Variants in DENND4A observed in about 807,000 individuals in gnomAD.
The protein encoded by DENND4A is DENN domain containing 4A, also known as C-myc promoter-binding protein.
In DENND4A, 70 loss-of-function variants were observed where a neutral mutation model predicts 199.3. The ratio of observed to expected loss-of-function variants is 0.35; its 90% confidence interval spans 0.29 to 0.43. The LOEUF is 0.43. Ranked by LOEUF, DENND4A falls within the 20% of genes least tolerant of loss-of-function variation. The probability of loss-of-function intolerance (pLI) is 1.00; values close to 1 mark genes in which losing one functional copy is unlikely to be tolerated. For synonymous variants in DENND4A, 686 were observed against 766.9 expected, an observed-to-expected ratio of 0.89 and a Z score of 1.74; for missense variants, 1,723 against 2,255.8, an observed-to-expected ratio of 0.76 and a Z score of 4.78.
At chr15:65,731,787 T>C (rs1022374604) in intron 8 of DENND4A, 87 bp from the exon 9 acceptor site, 3 of 930,196 alleles carry the variant, frequency 3.2e-6, no homozygotes, top group African/African-American at 3.4e-5. Context: ...AAAATAATGA[T>C]TATGCCCATG....
intron 3 of DENND4A, chr15:65,753,858 A>G (rs2076632032): frequency 7.4e-6 from 1 of 135,130 alleles, no homozygotes; most frequent in African/African-American, 2.7e-5. Flanking sequence ...TTTTGAGATG[A>G]AGTTTCGCTT....
intron 29 of DENND4A, among the ~76,000 whole-genome samples, chr15:65,666,164 A>G (rs778288276): frequency 1.3e-5 from 2 of 152,216 alleles, no homozygotes; most frequent in Non-Finnish European, 2.9e-5. Context: ...CGAACCCTAT[A>G]TATACTGTAT....
chr15:65,761,972 C>T (rs1406896788), intron 1 of DENND4A, among the ~76,000 whole-genome samples: 1 of 152,156 alleles, frequency 6.6e-6, no homozygotes, highest in Non-Finnish European at 1.5e-5. Flanking sequence ...GTTCCACATC[C>T]ATACCATGGA....
At chr15:65,690,350 G>A (rs990679032) in intron 23 of DENND4A, 65 bp downstream of exon 23, 10 of 1,469,102 alleles carry the variant, frequency 6.8e-6, no homozygotes, top group Non-Finnish European at 9.0e-6. Context: ...AACGAGTAAG[G>A]GGCTTTTGGT....
chr15:65,708,845 T>C (rs1479863997), intron 14 of DENND4A, among the ~76,000 whole-genome samples: 1 of 152,228 alleles, frequency 6.6e-6, no homozygotes, highest in African/African-American at 2.4e-5. Context: ...ATTTAAAATA[T>C]AATCATATGA....
intron 23 of DENND4A, among the ~76,000 whole-genome samples, chr15:65,689,585 G>T (rs2076903250): frequency 6.6e-6 from 1 of 152,188 alleles, no homozygotes; most frequent in Admixed American, 6.5e-5. Flanking sequence ...GCATACCTCT[G>T]TAAGTATTCC....
intron 4 of DENND4A, among the ~76,000 whole-genome samples, chr15:65,742,020 T>C (rs560542368): frequency 1.7e-4 from 26 of 152,218 alleles, no homozygotes; most frequent in Non-Finnish European, 1.9e-4. Flanking sequence ...TGAGGAAAAC[T>C]TGACTCTTTT....
rs1266901855 is a variant in DENND4A, at chr15:65,721,406, T to C, written c.1588+1442A>G. On this transcript the variant is annotated intron_variant, in intron 12 of 32. Transcript: ENST00000443035. ...ACACTATGATGAATCCTCAAGGGTG[T>C]AGGCTACCTCCTATGCTTATGTTGT... 2.0e-5 allele frequency among the ~76,000 whole-genome samples: 3 copies of C among 152,176 alleles called. No individual in the cohort carries two copies. The East Asian group carries it at 5.8e-4, about 29-fold the overall frequency.
At chr15:65,705,437 T>G (rs535917453) in intron 15 of DENND4A, among the ~76,000 whole-genome samples, 50 of 152,308 alleles carry the variant, frequency 3.3e-4, no homozygotes, top group African/African-American at 1.2e-3. Context: ...AACTAAATAA[T>G]GCATTCACCT....
intron 1 of DENND4A, among the ~76,000 whole-genome samples, chr15:65,768,109 T>C (rs2077031438): frequency 6.6e-6 from 1 of 152,124 alleles, no homozygotes; most frequent in South Asian, 2.1e-4. Context: ...TCCTCCCACC[T>C]CAGCCTCCTA....
At chr15:65,707,818 T>C (rs2075111715) in intron 14 of DENND4A, among the ~76,000 whole-genome samples, 1 of 152,030 alleles carries the variant, frequency 6.6e-6, no homozygotes, top group African/African-American at 2.4e-5. Flanking sequence ...CCCAAGTAGC[T>C]GGGACTACAA....
At position 65,699,865 on chromosome 15, in the gene DENND4A, G is replaced by C. The variant is rs577297406; in HGVS notation, c.2833+679C>G. Among the ~76,000 whole-genome samples the C allele has an allele frequency of 1.6e-4, 24 of 151,626 alleles. No individual in the cohort carries two copies. In the East Asian group the frequency reaches 3.9e-3, roughly 24 times the overall value. On this transcript the variant is annotated intron_variant, in intron 20 of 32. Transcript: ENST00000443035. The stretch of plus-strand genomic sequence containing the variant: ...CAGCTAATTTTTGTATTTTTGTAGA[G>C]ACAGGGTTTTGTTATGTTGCCCAGA...
In DENND4A at chr15:65,660,298, T is replaced by C; in HGVS notation, c.*1553A>G. ...TCCCAGAGTTGGAAGCTGTGAAATG[T>C]TTCAGCATGGTGCTATTCACTAATG... On this transcript the variant is annotated 3_prime_UTR_variant, in exon 33 of 33. Transcript: ENST00000443035. 2 of 1,535,370 alleles carry C rather than the reference T, an allele frequency of 1.3e-6. No homozygotes were observed. The highest frequency in any genetic ancestry group is 1.7e-6 in the Non-Finnish European group (2 of 1,146,602).
chr15:65,693,090 T>A (rs1450527656), intron 22 of DENND4A, among the ~76,000 whole-genome samples: 1 of 152,176 alleles, frequency 6.6e-6, no homozygotes, highest in Non-Finnish European at 1.5e-5. Context: ...GTTTGCCTGA[T>A]CCTAAGTTTA....
At chr15:65,728,159 C>T (rs943516973) in intron 11 of DENND4A, among the ~76,000 whole-genome samples, 6 of 151,984 alleles carry the variant, frequency 3.9e-5, no homozygotes, top group Admixed American at 3.3e-4. Context: ...CCTGCCACCA[C>T]GTCCAGCTAA....
chr15:65,704,754 C>G (rs959375372), intron 15 of DENND4A, among the ~76,000 whole-genome samples: 1 of 151,952 alleles, frequency 6.6e-6, no homozygotes, highest in African/African-American at 2.4e-5. Context: ...CCATGCCTAG[C>G]TAATTTTTGT....
At chr15:65,782,515 T>A (rs914079777) in intron 1 of DENND4A, among the ~76,000 whole-genome samples, 1 of 152,202 alleles carries the variant, frequency 6.6e-6, no homozygotes, top group Non-Finnish European at 1.5e-5. Context: ...ACAATCAGAC[T>A]GGTTGCAAAC....
chr15:65,725,792 C>A (rs1344472196), intron 11 of DENND4A, among the ~76,000 whole-genome samples: 1 of 152,186 alleles, frequency 6.6e-6, no homozygotes, highest in African/African-American at 2.4e-5. Flanking sequence ...ATATTAATTT[C>A]TTTCCCTTTC....
intron 11 of DENND4A, 120 bp downstream of exon 11, chr15:65,728,952 C>G: frequency 1.0e-6 from 1 of 1,000,964 alleles, no homozygotes; most frequent in Non-Finnish European, 1.5e-6. Context: ...GATTACCCCA[C>G]ATAACAAGGA....
Sources: gnomAD v4.1 joint callset for allele counts (sites outside exome capture counted in the v4.1 genomes callset) on GRCh38, gnomAD v4.1.1 for gene constraint, MANE v1.5 for transcripts, NCBI Gene and HGNC (gene_info 2026-07-23, HGNC 2026-07-21) for gene names.